Variants in EPS8L2 observed in about 807,000 individuals in gnomAD.
The protein encoded by EPS8L2 is EPS8 signaling adaptor L2.
Under a neutral mutation model 99.4 loss-of-function variants are expected in EPS8L2, and 81 were observed. The observed-to-expected ratio is 0.82, with a 90% CI of 0.68 to 0.98. EPS8L2 has a LOEUF of 0.98. Ranked by LOEUF, EPS8L2 falls within the 50% of genes least tolerant of loss-of-function variation. The probability of loss-of-function intolerance (pLI) is 0.00; values close to 1 mark genes in which losing one functional copy is unlikely to be tolerated. For missense variants in EPS8L2, 1,155 were observed against 968.8 expected, an observed-to-expected ratio of 1.19 and a Z score of -2.55; for synonymous variants, 509 against 407.3, an observed-to-expected ratio of 1.25 and a Z score of -3.01.
chr11:715,094 T>C (rs1335641855), intron 4 of EPS8L2, among the ~76,000 whole-genome samples: 2 of 152,048 alleles, frequency 1.3e-5, no homozygotes, highest in South Asian at 4.1e-4. Flanking sequence ...TACAAAAAAT[T>C]AGCCAGGTGG....
At position 723,312 on chromosome 11, in the gene EPS8L2, G is replaced by A. The variant is rs369906914; in HGVS notation, c.1413G>A (p.Pro471=). ...KHSPTSEPTP[P]GDALPPVSSP... Reference sequence around the variant, plus strand: ...GCCCCACTTCAGAGCCCACCCCCCCGGGGGATGCCCTACCACCAGTCAGCT... The same window carrying A: ...GCCCCACTTCAGAGCCCACCCCCCCAGGGGATGCCCTACCACCAGTCAGCT... The change falls in exon 15 of 21, where the codon CCG becomes CCA. Residue 471 remains proline (P), a synonymous_variant. Transcript: ENST00000318562. 27 of 1,597,170 alleles carry A rather than the reference G, an allele frequency of 1.7e-5. No homozygotes were observed. In the Admixed American group the frequency reaches 2.5e-4, roughly 15 times the overall value.
At chr11:723,888 C>G (rs1333801505) in intron 15 of EPS8L2, among the ~76,000 whole-genome samples, 2 of 152,132 alleles carry the variant, frequency 1.3e-5, no homozygotes, top group East Asian at 3.9e-4. Flanking sequence ...GCATGGGAAG[C>G]CCCTGACCCT....
At chr11:722,602 G>C in intron 13 of EPS8L2, 53 bp downstream of exon 13, 1 of 1,610,354 alleles carries the variant, frequency 6.2e-7, no homozygotes, top group Non-Finnish European at 8.5e-7. Context: ...GCGCTGCATG[G>C]GGGCCAGCAA....
intron 9 of EPS8L2, 102 bp from the exon 10 acceptor site, chr11:721,463 G>A (rs1862171997): frequency 2.0e-6 from 3 of 1,493,954 alleles, no homozygotes; most frequent in Non-Finnish European, 2.7e-6. Flanking sequence ...CCCTCCGAAG[G>A]TGTGGGGCCC....
At chr11:723,050 C>T (rs1213034548) in intron 14 of EPS8L2, among the ~76,000 whole-genome samples, 191 bp from the exon 15 acceptor site, 1 of 120,276 alleles carries the variant, frequency 8.3e-6, no homozygotes, top group Non-Finnish European at 1.7e-5. Context: ...ACCGCCCCTT[C>T]AGCCACAGCT....
In EPS8L2 at chr11:726,718, C is replaced by T. The variant is rs780176381; in HGVS notation, c.2034C>T (p.Tyr678=). ...KVCGEEGVRV[Y]SQLTMQKAFL... ...GCGGCGAGGAGGGCGTCCGCGTGTA[C>T]AGCCAGCTCACCATGCAGAAGGCCT... The change falls in exon 20 of 21, where the codon TAC becomes TAT. Residue 678 remains tyrosine, a synonymous_variant. Coordinates refer to ENST00000318562, the MANE Select transcript of EPS8L2 (RefSeq NM_022772.4). 25 of 1,594,314 alleles carry T rather than the reference C, an allele frequency of 1.6e-5. No individual in the cohort carries two copies. Among genetic ancestry groups the T allele is most frequent in the African/African-American group, 2.7e-5 (2 of 74,774 alleles).
At position 723,149 on chromosome 11, in the gene EPS8L2, C is replaced by T. The variant is rs553095524; in HGVS notation, c.1342-92C>T. On this transcript the variant is annotated intron_variant, in intron 14 of 20. Coordinates refer to ENST00000318562, the MANE Select transcript of EPS8L2 (RefSeq NM_022772.4). Reference sequence around the variant, plus strand: ...ATCACCCTCAGTGATGCATCAGTCACAGGACATTAGCCCAGCCCCTGTCAT... The same window carrying T: ...ATCACCCTCAGTGATGCATCAGTCATAGGACATTAGCCCAGCCCCTGTCAT... 1,457 of 689,208 alleles carry T rather than the reference C, an allele frequency of 2.1e-3. 3 individuals carry two copies. Among genetic ancestry groups the T allele is most frequent in the Non-Finnish European group, 2.4e-3 (948 of 387,882 alleles). The allele number at this position is 689,208 out of a possible 1,614,324, so 42.7% of individuals were successfully genotyped here. A position where few individuals can be genotyped will look rare whatever the true frequency, so the allele number is the denominator to read the frequency against.
At chr11:718,667 A>C (rs1431835620) in intron 4 of EPS8L2, among the ~76,000 whole-genome samples, 2 of 140,294 alleles carry the variant, frequency 1.4e-5, no homozygotes, top group African/African-American at 2.7e-5. Flanking sequence ...TAATTTTTTT[A>C]ATTTCTTTTT....
chr11:707,031 G>A (rs775658657), intron 1 of EPS8L2, among the ~76,000 whole-genome samples: 50 of 151,934 alleles, frequency 3.3e-4, no homozygotes, highest in Non-Finnish European at 4.9e-4. Context: ...GGCCGGGCAT[G>A]CCCGGACCTC....
At chr11:723,196 C>G (rs759647940) in intron 14 of EPS8L2, 45 bp from the exon 15 acceptor site, 15 of 1,052,726 alleles carry the variant, frequency 1.4e-5, no homozygotes, top group South Asian at 8.4e-5. Context: ...TCCTGGGACC[C>G]AGCCCCGCCC....
rs753802954 is a variant in EPS8L2 at position 721,662 on chromosome 11, GGAA to G, written c.874_876del (p.Lys292del). The G allele has an allele frequency of 1.1e-5, 18 of 1,588,362 alleles. No homozygotes were observed. Among genetic ancestry groups the G allele is most frequent in the Middle Eastern group, 1.7e-4 (1 of 5,926 alleles). Reference sequence around the variant, plus strand: ...AAGCAGCTGAACCAGCGGAAAAAGGGGAAGAAGAAGGGCAAGAAGGCGCCAGCA... The same window carrying G: ...AAGCAGCTGAACCAGCGGAAAAAGGGGAAGAAGGGCAAGAAGGCGCCAGCA... On this transcript the variant is annotated inframe_deletion, in exon 10 of 21. Transcript: ENST00000318562.
chr11:726,238 G>GGC, intron 18 of EPS8L2, 66 bp from the exon 19 acceptor site: 1 of 1,566,428 alleles, frequency 6.4e-7, no homozygotes, highest in Non-Finnish European at 8.7e-7. Flanking sequence ...GTGTGGGGGG[G>GGC]GTCCCTGGGC....
At chr11:711,663 C>T (rs1861893139) in intron 4 of EPS8L2, among the ~76,000 whole-genome samples, 2 of 151,960 alleles carry the variant, frequency 1.3e-5, no homozygotes, top group South Asian at 4.2e-4. Flanking sequence ...CAGGAGGATC[C>T]CACCACGGCC....
chr11:720,566 T>C (rs1335176381), intron 5 of EPS8L2, 31 bp from the exon 6 acceptor site: 2 of 1,582,938 alleles, frequency 1.3e-6, no homozygotes, highest in East Asian at 4.6e-5. Context: ...AGACCCCGGG[T>C]GCGAGTCGTG....
chr11:720,003 G>A (rs1286950339), intron 4 of EPS8L2, 59 bp from the exon 5 acceptor site: 4 of 1,532,226 alleles, frequency 2.6e-6, no homozygotes, highest in South Asian at 1.2e-5. Flanking sequence ...GGCCCCTGGG[G>A]GCTGGGCTTT....
intron 4 of EPS8L2, among the ~76,000 whole-genome samples, chr11:719,450 G>A (rs1485119850): frequency 1.3e-5 from 2 of 152,248 alleles, no homozygotes; most frequent in African/African-American, 4.8e-5. Flanking sequence ...AAAGAGGAGA[G>A]GTGAAGGGCA....
chr11:726,479 C>T lies in EPS8L2; in HGVS notation c.1929C>T (p.Ser643=). Residue 643 remains serine, a synonymous_variant, in exon 19 of 21, where the codon AGC becomes AGT. Transcript: ENST00000318562. ...CCTGGCTGGAAGCCAAGGCCTTCAG[C>T]CCGCGGTGAGCGGGGGCGGGGGATG... ...VRAWLEAKAF[S]PRIVENLGIL... The T allele has an allele frequency of 1.9e-6, 3 of 1,556,040 alleles. No individual in the cohort carries two copies. The highest frequency in any genetic ancestry group is 1.7e-6 in the Non-Finnish European group (2 of 1,151,584).
In EPS8L2 at chr11:721,347, G is replaced by A; in HGVS notation, c.763G>A (p.Glu255Lys). ...CGTGCTGGCTCAGAAGATAGAGAAG[G>A]AGACGGTGGGTGCCCGGGCCCGGCA... ...RAVLAQKIEK[E>K]TQILNCALDD... is the part of the protein sequence containing the mutation. The change falls in exon 9 of 21, where the codon GAG (glutamate) becomes AAG (lysine). Residue 255 changes from glutamate (E) to lysine (K), a missense_variant. Coordinates refer to ENST00000318562, the MANE Select transcript of EPS8L2 (RefSeq NM_022772.4). The A allele has an allele frequency of 1.3e-6, 2 of 1,539,544 alleles. No homozygotes were observed. The highest frequency in any genetic ancestry group is 2.4e-5 in the South Asian group (2 of 83,922).
intron 7 of EPS8L2, 31 bp downstream of exon 7, chr11:720,940 GGGCGGGGAGGGGAGGAGCCC>G: frequency 4.6e-6 from 7 of 1,514,062 alleles, no homozygotes; most frequent in African/African-American, 1.4e-5. Flanking sequence ...GGGTCGCAGG[GGGCGGGGAGGGGAGGAGCCC>G]GGCAGGGGAG....
Sources: allele counts gnomAD v4.1 joint callset (sites outside exome capture counted in the v4.1 genomes callset), GRCh38; gene constraint gnomAD v4.1.1; transcripts MANE v1.5; gene names NCBI Gene and HGNC (gene_info 2026-07-23, HGNC 2026-07-21).